PCDHGA10: variants seen among roughly 807,000 people sequenced by gnomAD.
PCDHGA10 encodes the protein protocadherin gamma subfamily A, 10.
PCDHGA10 carries 42 observed loss-of-function variants against 59.5 expected under a neutral mutation model. The observed-to-expected ratio is 0.71, with a 90% confidence interval of 0.55 to 0.91. PCDHGA10 has a LOEUF of 0.91. Among genes scored for constraint, PCDHGA10 ranks in the 40% least tolerant of loss-of-function variants. The pLI is 0.00. For synonymous variants in PCDHGA10, 511 were observed against 517.2 expected (o/e 0.99, Z 0.16); for missense variants, 1,111 against 1,198.2 (o/e 0.93, Z 1.07).
rs1279890312 is a variant in PCDHGA10, at chr5:141,432,403, G to C, written c.2436+16792G>C. On this transcript the variant is annotated intron_variant, in intron 1 of 3. Transcript: ENST00000398610. This position sits in a 1 kb window ranked among gnomAD's most constrained non-coding sequence, Gnocchi z 6.0. ...CGCCCCTCAGCAGCAACGTGTCGTT[G>C]AGCCTGTTCGTGCTGGACCAGAACG... 1.9e-6 allele frequency: 3 copies of C among 1,614,242 alleles called. No homozygotes were observed. Among genetic ancestry groups the C allele is most frequent in the Non-Finnish European group, 8.5e-7 (1 of 1,180,052 alleles).
chr5:141,418,439 T>C (rs1284999606), intron 1 of PCDHGA10: 1 of 1,613,812 alleles, frequency 6.2e-7, no homozygotes, highest in Non-Finnish European at 8.5e-7. Flanking sequence ...ATATCCAGAA[T>C]TAGTATTGCA....
chr5:141,413,285 A>G lies in PCDHGA10; in HGVS notation c.110A>G (p.Tyr37Cys). ...PWEAGARQIS[Y>C]SIPEELEKGS... The stretch of plus-strand genomic sequence containing the variant: ...GAGGCTGGAGCCCGGCAGATCTCCT[A>G]CTCAATTCCTGAGGAATTAGAGAAA... The change falls in exon 1 of 4, where the codon TAC (tyrosine) becomes TGC (cysteine). Residue 37 changes from tyrosine to cysteine, a missense_variant. Tyr to Cys is a radical substitution (Grantham distance 194). Transcript: ENST00000398610. The G allele has an allele frequency of 1.9e-6, 3 of 1,613,892 alleles. No individual in the cohort carries two copies. The highest frequency in any genetic ancestry group is 2.5e-6 in the Non-Finnish European group (3 of 1,179,894).
chr5:141,450,977 A>G (rs2098702822), intron 1 of PCDHGA10, among the ~76,000 whole-genome samples: 1 of 151,760 alleles, frequency 6.6e-6, no homozygotes, highest in African/African-American at 2.4e-5. Context: ...GGCATGTGCC[A>G]CCACACCCGG....
intron 1 of PCDHGA10, among the ~76,000 whole-genome samples, chr5:141,450,379 A>C (rs1269979263): frequency 6.6e-6 from 1 of 152,144 alleles, no homozygotes; most frequent in Non-Finnish European, 1.5e-5. Flanking sequence ...GTTTATATGA[A>C]ACTGACATTT....
At chr5:141,461,966 G>A (rs2099027516) in intron 1 of PCDHGA10, among the ~76,000 whole-genome samples, 1 of 152,162 alleles carries the variant, frequency 6.6e-6, no homozygotes, top group African/African-American at 2.4e-5. Context: ...TGGGATTCCA[G>A]GCATATGCCA....
At chr5:141,464,227 T>C (rs539811399) in intron 1 of PCDHGA10, among the ~76,000 whole-genome samples, 58 of 147,282 alleles carry the variant, frequency 3.9e-4, no homozygotes, top group Admixed American at 2.5e-3. Flanking sequence ...ATTGCGCCAC[T>C]GCACTCCAGC....
At chr5:141,505,260 C>T in intron 2 of PCDHGA10, 133 bp from the exon 3 acceptor site, 2 of 1,502,832 alleles carry the variant, frequency 1.3e-6, no homozygotes, top group South Asian at 1.3e-5. Context: ...TGCCTCCTAC[C>T]TTGCTGAGAG....
rs778052844 is a variant in PCDHGA10, at chr5:141,486,259, T to C, written c.2437-8548T>C. ...CAGAGCTTGGAACCCTCCCCGAGAG[T>C]GCAGAACCTGGCACTGTGGTGGCAC... is the stretch of plus-strand genomic sequence containing the variant. On this transcript the variant is annotated intron_variant, in intron 1 of 3. Coordinates refer to ENST00000398610, the MANE Select transcript of PCDHGA10 (RefSeq NM_018913.3). This position sits in a 1 kb window ranked among gnomAD's most constrained non-coding sequence, Gnocchi z 5.0. 1 of 1,613,204 alleles carries C rather than the reference T, an allele frequency of 6.2e-7. No individual in the cohort carries two copies. The highest frequency in any genetic ancestry group is 8.5e-7 in the Non-Finnish European group (1 of 1,179,716).
intron 1 of PCDHGA10, among the ~76,000 whole-genome samples, chr5:141,438,211 A>G (rs767576436): frequency 7.8e-4 from 119 of 152,308 alleles, no homozygotes; most frequent in Admixed American, 2.3e-3. Context: ...CCATATGGGA[A>G]GGGCTCTGGT....
At chr5:141,422,038 G>A (rs949164524) in intron 1 of PCDHGA10, 9 of 1,611,746 alleles carry the variant, frequency 5.6e-6, no homozygotes, top group Non-Finnish European at 7.6e-6. Context: ...AACGGATCCA[G>A]ACGAGGGAAT....
In PCDHGA10 at chr5:141,490,242, T is replaced by G. The variant is rs2099697678; in HGVS notation, c.2437-4565T>G. 6.2e-7 allele frequency: 1 copy of G among 1,614,194 alleles called. No individual in the cohort carries two copies. The highest frequency in any genetic ancestry group is 8.5e-7 in the Non-Finnish European group (1 of 1,180,028). ...GACAGCCTGCCATGGAGGGCCACTG[T>G]GTGATTCAAGTGGATGTGGGGGATG... On this transcript the variant is annotated intron_variant, in intron 1 of 3. Transcript: ENST00000398610. The surrounding 1 kb of genome is among the most constrained non-coding windows in gnomAD (Gnocchi z 5.4).
chr5:141,486,253 C>G lies in PCDHGA10; in HGVS notation c.2437-8554C>G. On this transcript the variant is annotated intron_variant, in intron 1 of 3. Coordinates refer to ENST00000398610, the MANE Select transcript of PCDHGA10 (RefSeq NM_018913.3). The surrounding 1 kb of genome is among the most constrained non-coding windows in gnomAD (Gnocchi z 5.0). Reference sequence around the variant, plus strand: ...TGACCTCAGAGCTTGGAACCCTCCCCGAGAGTGCAGAACCTGGCACTGTGG... The same window carrying G: ...TGACCTCAGAGCTTGGAACCCTCCCGGAGAGTGCAGAACCTGGCACTGTGG... The G allele has an allele frequency of 6.2e-7, 1 of 1,614,138 alleles. No homozygotes were observed. Among genetic ancestry groups the G allele is most frequent in the East Asian group, 2.2e-5 (1 of 44,866 alleles).
chr5:141,472,980 CAA>C (rs60579131), intron 1 of PCDHGA10, among the ~76,000 whole-genome samples: 879 of 86,072 alleles, frequency 0.01, 5 homozygotes, highest in African/African-American at 0.015. Context: ...GAGTGAAACT[CAA>C]AAAAAAAAAA....
chr5:141,441,155 T>A (rs2098229690), intron 1 of PCDHGA10: 1 of 152,230 alleles, frequency 6.6e-6, no homozygotes, highest in East Asian at 1.9e-4. Flanking sequence ...GACAATATCC[T>A]AGAGGCGATT....
chr5:141,495,547 C>G (rs2099762038), intron 2 of PCDHGA10, among the ~76,000 whole-genome samples: 1 of 152,228 alleles, frequency 6.6e-6, no homozygotes, highest in South Asian at 2.1e-4. Flanking sequence ...CAGTCTCTAT[C>G]TCGCTTTGCA....
chr5:141,456,321 G>A (rs2098849819), intron 1 of PCDHGA10, among the ~76,000 whole-genome samples: 1 of 152,154 alleles, frequency 6.6e-6, no homozygotes, highest in African/African-American at 2.4e-5. Context: ...GGCTCCTCCT[G>A]GGGTTGATCT....
rs1299607088 is a variant in PCDHGA10 at position 141,472,933 on chromosome 5, C to T, written c.2437-21874C>T. ...CCCAAGAGGAGGAGGTTGTGGTGAG[C>T]CAAGATTATGCCATTGCACTCCAGC... On this transcript the variant is annotated intron_variant, in intron 1 of 3. Coordinates refer to ENST00000398610, the MANE Select transcript of PCDHGA10 (RefSeq NM_018913.3). Among the ~76,000 whole-genome samples, 4 of 143,758 alleles carry T rather than the reference C, an allele frequency of 2.8e-5. No individual in the cohort carries two copies. In the Admixed American group the frequency reaches 2.9e-4, roughly 10 times the overall value. 94.3% of individuals were successfully genotyped at this position (143,758 alleles called of 152,430 possible). A position where few individuals can be genotyped will look rare whatever the true frequency, so the allele number is the denominator to read the frequency against.
At position 141,413,331 on chromosome 5, in the gene PCDHGA10, C is replaced by T. The variant is rs1300057166; in HGVS notation, c.156C>T (p.Ile52=). 1 of 1,613,992 alleles carries T rather than the reference C, an allele frequency of 6.2e-7. No individual in the cohort carries two copies. Among genetic ancestry groups the T allele is most frequent in the Admixed American group, 1.7e-5 (1 of 60,030 alleles). The change falls in exon 1 of 4, where the codon ATC becomes ATT. Residue 52 remains isoleucine (I), a synonymous_variant. Transcript: ENST00000398610. ...AGAAAGGCTCTTTCGTGGGCAACAT[C>T]TCCAAGGACTTGGGTCTGGCGCCCC... ...ELEKGSFVGN[I]SKDLGLAPRE...
At chr5:141,424,726 T>C (rs1041673348) in intron 1 of PCDHGA10, 7 of 152,218 alleles carry the variant, frequency 4.6e-5, no homozygotes, top group African/African-American at 4.8e-5. Context: ...TTGGGAGTCA[T>C]AGATTCCTTC....
Sources: gnomAD v4.1 joint callset for allele counts (sites outside exome capture counted in the v4.1 genomes callset) on GRCh38, gnomAD v4.1.1 for gene constraint, Gnocchi (gnomAD v3.1) non-coding constraint, MANE v1.5 for transcripts, NCBI Gene and HGNC (gene_info 2026-07-23, HGNC 2026-07-21) for gene names.